Variants in JAK2 observed in about 807,000 individuals in gnomAD.
JAK2 encodes Janus kinase 2, also known as tyrosine-protein kinase JAK2.
Under a neutral mutation model 139.3 loss-of-function variants are expected in JAK2, and 86 were observed. The observed-to-expected ratio is 0.62, with a 90% confidence interval of 0.52 to 0.74. JAK2 has a LOEUF of 0.74. Ranked by LOEUF, JAK2 falls within the 30% of genes least tolerant of loss-of-function variation. The pLI, the probability that JAK2 is intolerant of heterozygous loss-of-function variation, is 0.00. For missense variants in JAK2, 1,421 were observed against 1,360.3 expected, an observed-to-expected ratio of 1.04 and a Z score of -0.70; for synonymous variants, 490 against 437.7, an observed-to-expected ratio of 1.12 and a Z score of -1.49.
chr9:5,067,115 T>A (rs553814711), intron 10 of JAK2, among the ~76,000 whole-genome samples: 60 of 152,306 alleles, frequency 3.9e-4, no homozygotes, highest in African/African-American at 1.4e-3. Context: ...TGGAAATCTT[T>A]GCCACATCAT....
chr9:5,063,125 A>G (rs1256910089), intron 8 of JAK2, among the ~76,000 whole-genome samples: 1 of 152,034 alleles, frequency 6.6e-6, no homozygotes, highest in Non-Finnish European at 1.5e-5. Flanking sequence ...TGAGGACTCT[A>G]TTCTGTGTTC....
intron 5 of JAK2, among the ~76,000 whole-genome samples, chr9:5,045,916 C>T (rs12339774): frequency 0.62 from 94,192 of 151,998 alleles, 31,380 homozygotes; most frequent in African/African-American, 0.88. Context: ...GAAATGGAAT[C>T]GCTGGATCAT....
intron 23 of JAK2, among the ~76,000 whole-genome samples, chr9:5,123,831 C>G (rs1467751784): frequency 2.6e-5 from 4 of 151,438 alleles, no homozygotes; most frequent in Non-Finnish European, 4.4e-5. Flanking sequence ...TTCTCTCTCT[C>G]ATTTTTTTTT....
intron 22 of JAK2, among the ~76,000 whole-genome samples, chr9:5,116,601 G>C (rs980773589): frequency 1.3e-5 from 2 of 152,130 alleles, no homozygotes; most frequent in Admixed American, 6.5e-5. Flanking sequence ...GTTATATGAA[G>C]ATTCAGAGAT....
At chr9:5,059,082 TAA>T (rs2130445205) in intron 8 of JAK2, among the ~76,000 whole-genome samples, 1 of 152,324 alleles carries the variant, frequency 6.6e-6, no homozygotes, top group Non-Finnish European at 1.5e-5. Flanking sequence ...TGTTGAGATA[TAA>T]CATGAACCCA....
intron 2 of JAK2, among the ~76,000 whole-genome samples, chr9:5,008,137 T>A (rs1291018048): frequency 6.6e-6 from 1 of 152,214 alleles, no homozygotes; most frequent in African/African-American, 2.4e-5. Flanking sequence ...TGCTATTTGT[T>A]CAGTACTTTT....
At chr9:5,085,840 C>T (rs1161231910) in intron 19 of JAK2, 9 of 763,668 alleles carry the variant, frequency 1.2e-5, no homozygotes, top group Non-Finnish European at 2.0e-5. Flanking sequence ...TTTCCTTTTA[C>T]ATCAAAGTAG....
chr9:5,099,636 T>A (rs1382636854), intron 22 of JAK2: 1 of 152,220 alleles, frequency 6.6e-6, no homozygotes, highest in Non-Finnish European at 1.5e-5. Context: ...AATCATTCTG[T>A]TTCCCACTGT....
Position 4,985,992 on chromosome 9 carries a change from A to G in JAK2, c.-56A>G, listed in dbSNP as rs190253941. The G allele has an allele frequency of 1.1e-3, 168 of 152,870 alleles. 1 individual carries two copies. Among genetic ancestry groups the G allele is most frequent in the Non-Finnish European group, 1.6e-3 (109 of 68,080 alleles). The allele number at this position is 152,870 out of a possible 1,614,324, so 9.5% of individuals were successfully genotyped here. The stretch of plus-strand genomic sequence containing the variant: ...ATGTGAACTGTTTCTCTTCTGCAGA[A>G]AAAGAGGCTCTTCCTCCTCCTCCCG... On this transcript the variant is annotated 5_prime_UTR_variant, in exon 2 of 25. Transcript: ENST00000381652.
At chr9:5,098,121 C>T (rs887623171) in intron 22 of JAK2, 16 of 152,048 alleles carry the variant, frequency 1.1e-4, no homozygotes, top group African/African-American at 3.6e-4. Flanking sequence ...ATTGAACAAC[C>T]ATCTAGTAAT....
Position 5,127,937 on chromosome 9 carries a change from A to G in JAK2, c.*1146A>G. 1 of 232,478 alleles carries G rather than the reference A, an allele frequency of 4.3e-6. No homozygotes were observed. The highest frequency in any genetic ancestry group is 8.5e-6 in the Non-Finnish European group (1 of 117,448). 14.4% of individuals were successfully genotyped at this position (232,478 alleles called of 1,614,324 possible). On this transcript the variant is annotated 3_prime_UTR_variant, in exon 25 of 25. Coordinates refer to ENST00000381652, the MANE Select transcript of JAK2 (RefSeq NM_004972.4). Reference sequence around the variant, plus strand: ...TAATTTTATTCAAGAATGCCAGTAGAAAATTCATAACGTGTATCTTTAAGA... The same window carrying G: ...TAATTTTATTCAAGAATGCCAGTAGGAAATTCATAACGTGTATCTTTAAGA...
At chr9:5,087,130 TTC>T (rs1820184984) in intron 19 of JAK2, among the ~76,000 whole-genome samples, 1 of 152,234 alleles carries the variant, frequency 6.6e-6, no homozygotes, top group Non-Finnish European at 1.5e-5. Context: ...TATTAGTCTG[TTC>T]TCACGCTGCA....
In JAK2 at chr9:5,122,988, A is replaced by T. The variant is rs918865187; in HGVS notation, c.3060-16A>T. 1.3e-6 allele frequency: 2 copies of T among 1,499,618 alleles called. No individual in the cohort carries two copies. The highest frequency in any genetic ancestry group is 1.8e-6 in the Non-Finnish European group (2 of 1,085,786). The allele number at this position is 1,499,618 out of a possible 1,614,324, so 92.9% of individuals were successfully genotyped here. A position where few individuals can be genotyped will look rare whatever the true frequency, so the allele number is the denominator to read the frequency against. On this transcript the variant is annotated splice_polypyrimidine_tract_variant and intron_variant, in intron 22 of 24. Coordinates refer to ENST00000381652, the MANE Select transcript of JAK2 (RefSeq NM_004972.4). ...ATCAAGTAACTGTCTTTTAAATGTT[A>T]TTCATATATTTACAGGTATGCTCCA...
At chr9:5,006,817 C>A (rs1390868256) in intron 2 of JAK2, among the ~76,000 whole-genome samples, 2 of 152,152 alleles carry the variant, frequency 1.3e-5, no homozygotes, top group African/African-American at 4.8e-5. Context: ...GACACAGAAC[C>A]AAACCATATC....
intron 22 of JAK2, chr9:5,111,442 T>G (rs998486041): frequency 3.0e-5 from 12 of 393,732 alleles, no homozygotes; most frequent in Non-Finnish European, 3.9e-5. Flanking sequence ...AGGTCCCGCC[T>G]GGTCTTCCAT....
chr9:4,992,775 C>T (rs1427192335), intron 2 of JAK2, among the ~76,000 whole-genome samples: 1 of 152,198 alleles, frequency 6.6e-6, no homozygotes, highest in African/African-American at 2.4e-5. Context: ...CACAGGTTAT[C>T]TGCAGTAGAC....
At chr9:5,058,014 G>C (rs1817886809) in intron 8 of JAK2, among the ~76,000 whole-genome samples, 1 of 152,126 alleles carries the variant, frequency 6.6e-6, no homozygotes, top group Non-Finnish European at 1.5e-5. Context: ...ATTACAGCAT[G>C]TATCAATTTC....
In JAK2 at chr9:5,111,412, G is replaced by C. The variant is rs116320107; in HGVS notation, c.3060-11592G>C. The C allele has an allele frequency of 2.3e-3, 926 of 401,638 alleles. 10 individuals are homozygous for C. Among genetic ancestry groups the C allele is most frequent in the African/African-American group, 0.016 (750 of 48,048 alleles). 24.9% of individuals were successfully genotyped at this position (401,638 alleles called of 1,614,324 possible). A position where few individuals can be genotyped will look rare whatever the true frequency, so the allele number is the denominator to read the frequency against. On this transcript the variant is annotated intron_variant, in intron 22 of 24. Coordinates refer to ENST00000381652, the MANE Select transcript of JAK2 (RefSeq NM_004972.4). ...CAGAGGCGGACAGCGGCCTGGACAC[G>C]CAGCCCACGAAGGTCGGGAAGGTCC...
chr9:5,112,983 C>G (rs779701627), intron 22 of JAK2: 1 of 188,656 alleles, frequency 5.3e-6, no homozygotes, highest in East Asian at 1.2e-4. Flanking sequence ...CAACACCGAC[C>G]TGATGAGGCT....
Sources: allele counts gnomAD v4.1 joint callset (sites outside exome capture counted in the v4.1 genomes callset), GRCh38; gene constraint gnomAD v4.1.1; transcripts MANE v1.5; gene names NCBI Gene and HGNC (gene_info 2026-07-23, HGNC 2026-07-21).